The following SMOC2 variants were observed in gnomAD, a reference collection of about 807,000 sequenced individuals.
SMOC2 encodes the protein SPARC-related modular calcium-binding protein 2.
SMOC2 carries 39 observed loss-of-function variants against 61.4 expected under a neutral mutation model. The ratio of observed to expected loss-of-function variants is 0.64; its 90% CI spans 0.49 to 0.83. The LOEUF (loss-of-function observed/expected upper bound fraction) is 0.83. SMOC2 is among the 40% of genes least tolerant of loss of function. SMOC2 has a pLI of 0.00. For synonymous variants in SMOC2, 247 were observed against 239.9 expected, an observed-to-expected ratio of 1.03 and a Z score of -0.27; for missense variants, 556 against 592.9, an observed-to-expected ratio of 0.94 and a Z score of 0.65.
intron 9 of SMOC2, among the ~76,000 whole-genome samples, chr6:168,642,295 C>T (rs189560898): frequency 2.0e-5 from 3 of 152,194 alleles, no homozygotes; most frequent in Non-Finnish European, 4.4e-5. Context: ...GGCTACAGCT[C>T]GGCGTCAGCC....
chr6:168,624,971 A>ACACCACCAC, intron 9 of SMOC2, among the ~76,000 whole-genome samples: 1 of 152,186 alleles, frequency 6.6e-6, no homozygotes, highest in Admixed American at 6.5e-5. Context: ...AGACACATGC[A>ACACCACCAC]CACCACCACC....
chr6:168,576,720 C>T (rs1175443494), intron 7 of SMOC2, among the ~76,000 whole-genome samples: 1 of 152,012 alleles, frequency 6.6e-6, no homozygotes, highest in Non-Finnish European at 1.5e-5. Context: ...GAAGGTTTCC[C>T]TGAGGAAACA....
At position 168,535,980 on chromosome 6, in the gene SMOC2, G is replaced by A. The variant is rs1241141353; in HGVS notation, c.464-7645G>A. 1.3e-5 allele frequency among the ~76,000 whole-genome samples: 2 copies of A among 152,194 alleles called. No individual in the cohort carries two copies. Among genetic ancestry groups the A allele is most frequent in the African/African-American group, 2.4e-5 (1 of 41,448 alleles). On this transcript the variant is annotated intron_variant, in intron 4 of 12. Coordinates refer to ENST00000356284, the MANE Select transcript of SMOC2 (RefSeq NM_001166412.2). The surrounding 1 kb of genome is among the most constrained non-coding windows in gnomAD (Gnocchi z 4.6). The stretch of plus-strand genomic sequence containing the variant: ...ATGCAGCTTCACGGCACAGGGGCCC[G>A]GCCGTTCTCTCTGGATTCTGGCTCG...
intron 1 of SMOC2, among the ~76,000 whole-genome samples, chr6:168,458,003 C>T (rs574798126): frequency 2.0e-5 from 3 of 152,234 alleles, no homozygotes; most frequent in Admixed American, 6.5e-5. Flanking sequence ...GATCCTGCTG[C>T]GAGACACACT....
intron 1 of SMOC2, among the ~76,000 whole-genome samples, chr6:168,496,858 C>T (rs1027745861): frequency 1.3e-5 from 2 of 152,242 alleles, no homozygotes; most frequent in African/African-American, 2.4e-5. Context: ...TCTGGGCTAT[C>T]GCATAGTGTA....
At chr6:168,543,928 A>G (rs981211041) in intron 5 of SMOC2, among the ~76,000 whole-genome samples, 1 of 151,746 alleles carries the variant, frequency 6.6e-6, no homozygotes, top group Non-Finnish European at 1.5e-5. Flanking sequence ...TGCTGTTAGG[A>G]CCCCCTGGAA....
chr6:168,497,786 C>T (rs2115038732), intron 1 of SMOC2, among the ~76,000 whole-genome samples: 1 of 152,250 alleles, frequency 6.6e-6, no homozygotes, highest in East Asian at 1.9e-4. Flanking sequence ...TCCTTACAAC[C>T]ACGTTTTGCC....
chr6:168,645,128 G>A (rs192643784), intron 9 of SMOC2, among the ~76,000 whole-genome samples: 23 of 152,272 alleles, frequency 1.5e-4, no homozygotes, highest in Admixed American at 9.2e-4. Flanking sequence ...GGATTTAATC[G>A]CAAAGGAGAA....
rs147674906 is a variant in SMOC2 at position 168,543,667 on chromosome 6, A to G, written c.506A>G (p.Lys169Arg). 3.4e-5 allele frequency: 55 copies of G among 1,613,608 alleles called. No homozygotes were observed. In the African/African-American group the frequency reaches 5.2e-4, roughly 15 times the overall value. The change falls in exon 5 of 13, where the codon AAA becomes AGA. Residue 169 changes from lysine to arginine, a missense_variant. Transcript: ENST00000356284. ...EKLPQREGTG[K>R]TDDAAAPALE... ...TTACCCCAACGCGAAGGCACAGGAAAAACAGGTAACTATCTTAGAATAAAT... is the reference window on the plus strand; with the variant it reads ...TTACCCCAACGCGAAGGCACAGGAAGAACAGGTAACTATCTTAGAATAAAT...
At chr6:168,628,678 T>A (rs1786484195) in intron 9 of SMOC2, among the ~76,000 whole-genome samples, 1 of 152,264 alleles carries the variant, frequency 6.6e-6, no homozygotes, top group African/African-American at 2.4e-5. Context: ...ACATGGATTC[T>A]GGAGGACCTG....
At chr6:168,448,753 A>G (rs938644879) in intron 1 of SMOC2, among the ~76,000 whole-genome samples, 1 of 152,192 alleles carries the variant, frequency 6.6e-6, no homozygotes, top group African/African-American at 2.4e-5. Context: ...TTTACGTTTT[A>G]AAGTAAAGTA....
At chr6:168,610,844 G>C (rs1485595029) in intron 9 of SMOC2, among the ~76,000 whole-genome samples, 1 of 152,190 alleles carries the variant, frequency 6.6e-6, no homozygotes, top group Non-Finnish European at 1.5e-5. Flanking sequence ...GCTTTTGAAG[G>C]TTCTTCTTTC....
At chr6:168,657,192 G>A (rs1787345375) in intron 11 of SMOC2, among the ~76,000 whole-genome samples, 1 of 152,224 alleles carries the variant, frequency 6.6e-6, no homozygotes, top group Admixed American at 6.5e-5. Flanking sequence ...CTACTTCATG[G>A]CTCAAGACCT....
At chr6:168,461,788 AC>A (rs1345766072) in intron 1 of SMOC2, among the ~76,000 whole-genome samples, 1 of 152,094 alleles carries the variant, frequency 6.6e-6, no homozygotes, top group Non-Finnish European at 1.5e-5. Context: ...CCACTCTATT[AC>A]GCCTAGTGGC....
intron 9 of SMOC2, among the ~76,000 whole-genome samples, chr6:168,624,840 C>T (rs775682600): frequency 2.1e-5 from 3 of 145,348 alleles, no homozygotes; most frequent in Admixed American, 7.4e-5. Context: ...AACACACAGA[C>T]ACAGGCACAC....
chr6:168,595,113 G>A (rs1165846327), intron 7 of SMOC2, among the ~76,000 whole-genome samples: 1 of 148,822 alleles, frequency 6.7e-6, no homozygotes, highest in Non-Finnish European at 1.5e-5. Context: ...CTAGAGGATG[G>A]CCGAGCTCCT....
At chr6:168,549,314 G>T in intron 7 of SMOC2, 111 bp downstream of exon 7, 1 of 932,220 alleles carries the variant, frequency 1.1e-6, no homozygotes, top group African/African-American at 1.6e-5. Context: ...TGAACAACAT[G>T]GGGGTGAGGG....
intron 9 of SMOC2, among the ~76,000 whole-genome samples, chr6:168,618,171 C>G (rs375817851): frequency 6.6e-6 from 1 of 152,260 alleles, no homozygotes. Context: ...TGTGCTATCA[C>G]CACGATGAAA....
intron 7 of SMOC2, among the ~76,000 whole-genome samples, chr6:168,571,160 T>C (rs894349445): frequency 2.6e-5 from 4 of 152,224 alleles, no homozygotes; most frequent in Non-Finnish European, 4.4e-5. Flanking sequence ...AGGTGCAAGA[T>C]TGACTATGTT....
Sources: gnomAD v4.1 joint callset for allele counts (sites outside exome capture counted in the v4.1 genomes callset) on GRCh38, gnomAD v4.1.1 for gene constraint, Gnocchi (gnomAD v3.1) non-coding constraint, MANE v1.5 for transcripts, NCBI Gene and HGNC (gene_info 2026-07-23, HGNC 2026-07-21) for gene names.